The following MED13L variants were observed in gnomAD, a reference collection of about 807,000 sequenced individuals.
MED13L encodes the protein mediator complex subunit 13L.
Under a neutral mutation model 220.9 loss-of-function variants are expected in MED13L, and 7 were observed. The observed-to-expected ratio is 0.03, with a 90% confidence interval of 0.02 to 0.06. The LOEUF (loss-of-function observed/expected upper bound fraction) is 0.06, where lower values mean the gene tolerates loss of function less well. Ranked by LOEUF, MED13L falls within the 10% of genes least tolerant of loss-of-function variation. MED13L has a pLI of 1.00. For missense variants in MED13L, 1,965 were observed against 2,760.5 expected (o/e 0.71, Z 6.46); for synonymous variants, 1,011 against 1,015.2 (o/e 1.00, Z 0.08).
Position 115,960,788 on chromosome 12 carries a change from T to A in MED13L, c.*478A>T, listed in dbSNP as rs1875707564. ...ACAGAAACCCCAGTATGAAACCATG[T>A]ACTTGAGCTGGTTCTTATTTTTAAA... is the stretch of plus-strand genomic sequence containing the variant. On this transcript the variant is annotated 3_prime_UTR_variant, in exon 31 of 31. Transcript: ENST00000281928. 4.6e-6 allele frequency: 1 copy of A among 218,096 alleles called. No homozygotes were observed. The highest frequency in any genetic ancestry group is 9.3e-6 in the Non-Finnish European group (1 of 107,382). The allele number at this position is 218,096 out of a possible 1,614,324, so 13.5% of individuals were successfully genotyped here.
At chr12:116,186,769 A>G (rs991830473) in intron 2 of MED13L, among the ~76,000 whole-genome samples, 1 of 152,236 alleles carries the variant, frequency 6.6e-6, no homozygotes, top group Non-Finnish European at 1.5e-5. Flanking sequence ...AAAACAGGGT[A>G]GACACAGAAA....
intron 4 of MED13L, among the ~76,000 whole-genome samples, chr12:116,095,762 A>G (rs1288780752): frequency 6.6e-6 from 1 of 152,230 alleles, no homozygotes; most frequent in Non-Finnish European, 1.5e-5. Context: ...TATGATTCCA[A>G]CTACATGTGT....
At chr12:116,074,385 ACT>A (rs1370944771) in intron 4 of MED13L, among the ~76,000 whole-genome samples, 2 of 152,172 alleles carry the variant, frequency 1.3e-5, no homozygotes, top group African/African-American at 4.8e-5. Context: ...ACAGAGTGAG[ACT>A]CTGCCTCAAA....
At chr12:116,179,690 C>CTT (rs11431574) in intron 2 of MED13L, among the ~76,000 whole-genome samples, 3,009 of 148,346 alleles carry the variant, frequency 0.02, 60 homozygotes, top group Middle Eastern at 0.055. Context: ...AGTGAATAAC[C>CTT]TTTTTTTTTT....
chr12:116,222,310 T>C lies in MED13L; in HGVS notation c.310+15158A>G, dbSNP rs934992163. ...GCAATGACACGTCACAGAAGTGGCA[T>C]TGTATGAACACTCCATTCCTTATTT... On this transcript the variant is annotated intron_variant, in intron 2 of 30. Transcript: ENST00000281928. Among the ~76,000 whole-genome samples the C allele has an allele frequency of 2.6e-5, 4 of 152,200 alleles. 1 individual carries two copies. Among genetic ancestry groups the C allele is most frequent in the South Asian group, 4.1e-4 (2 of 4,836 alleles).
chr12:116,105,135 C>T lies in MED13L; in HGVS notation c.395+6293G>A, dbSNP rs531112342. ...TGAAGAAACTCTTGAAAAATGATTG[C>T]AGATTTTTTTTCCCATCGTCTATTG... On this transcript the variant is annotated intron_variant, in intron 3 of 30. Coordinates refer to ENST00000281928, the MANE Select transcript of MED13L (RefSeq NM_015335.5). 7.9e-5 allele frequency among the ~76,000 whole-genome samples: 12 copies of T among 152,258 alleles called. No homozygotes were observed. The South Asian group carries it at 2.5e-3, about 32-fold the overall frequency.
intron 30 of MED13L, 75 bp downstream of exon 30, chr12:115,963,332 A>C: frequency 8.0e-7 from 1 of 1,254,366 alleles, no homozygotes; most frequent in Non-Finnish European, 1.2e-6. Context: ...ACTTAGATTA[A>C]AACACCTTGG....
At chr12:115,967,739 A>G (rs1432400931) in intron 28 of MED13L, among the ~76,000 whole-genome samples, 1 of 152,216 alleles carries the variant, frequency 6.6e-6, no homozygotes, top group African/African-American at 2.4e-5. Flanking sequence ...TGGGGCATGC[A>G]TTCTTAGCTG....
chr12:116,063,726 C>T (rs1869697054), intron 4 of MED13L, among the ~76,000 whole-genome samples: 1 of 152,176 alleles, frequency 6.6e-6, no homozygotes, highest in Admixed American at 6.5e-5. Context: ...TCAAAATACA[C>T]ACCTTTAAAA....
intron 2 of MED13L, among the ~76,000 whole-genome samples, chr12:116,212,193 A>T (rs1882738820): frequency 6.6e-6 from 1 of 152,178 alleles, no homozygotes; most frequent in South Asian, 2.1e-4. Context: ...GTTATTCAAG[A>T]ACCTGCTATA....
Position 115,959,283 on chromosome 12 carries a change from A to T in MED13L, c.*1983T>A, listed in dbSNP as rs12423578. ...ACTACCCTTTGCTGCCATTTTTTTTAAAGTTTTTTTGTAGGGGTTTTTTAT... is the reference window on the plus strand; with the variant it reads ...ACTACCCTTTGCTGCCATTTTTTTTTAAGTTTTTTTGTAGGGGTTTTTTAT... On this transcript the variant is annotated 3_prime_UTR_variant, in exon 31 of 31. Coordinates refer to ENST00000281928, the MANE Select transcript of MED13L (RefSeq NM_015335.5). The T allele has an allele frequency of 0.19, 29,182 of 152,326 alleles. 3,110 individuals carry two copies. The highest frequency in any genetic ancestry group is 0.26 in the Middle Eastern group (75 of 294). 9.4% of individuals were successfully genotyped at this position (152,326 alleles called of 1,614,324 possible).
intron 4 of MED13L, among the ~76,000 whole-genome samples, chr12:116,053,001 G>C (rs1337728991): frequency 2.0e-5 from 3 of 152,118 alleles, no homozygotes; most frequent in Non-Finnish European, 4.4e-5. Flanking sequence ...ATAAGCCTAA[G>C]ACATTTTCTA....
chr12:116,066,114 C>G (rs534879392), intron 4 of MED13L, among the ~76,000 whole-genome samples: 79 of 152,188 alleles, frequency 5.2e-4, no homozygotes, highest in Admixed American at 5.2e-3. Flanking sequence ...CACACACATA[C>G]ATACACACAC....
intron 2 of MED13L, among the ~76,000 whole-genome samples, chr12:116,182,484 T>C (rs1880594266): frequency 1.3e-5 from 2 of 152,218 alleles, no homozygotes. Flanking sequence ...TCAGCCTCTG[T>C]ACTCCATACT....
Position 115,975,564 on chromosome 12 carries a change from G to A in MED13L, c.5539C>T (p.His1847Tyr). The change falls in exon 24 of 31, where the codon CAT (histidine) becomes TAT (tyrosine). Residue 1847 changes from histidine (H) to tyrosine (Y), a missense_variant. This residue lies in a region of MED13L where 510 missense variants were observed against 620.4 expected (regional missense o/e 0.82). Coordinates refer to ENST00000281928, the MANE Select transcript of MED13L (RefSeq NM_015335.5). ...RWLLASCTDLHGELLETCVVN... is the reference protein window; with the variant it reads ...RWLLASCTDLYGELLETCVVN... The stretch of plus-strand genomic sequence containing the variant: ...ACGCAGGTCTCTAATAATTCCCCAT[G>A]GAGGTCAGTGCAGGAAGCCAAAAGC... The A allele has an allele frequency of 1.9e-6, 3 of 1,614,174 alleles. No individual in the cohort carries two copies. The highest frequency in any genetic ancestry group is 2.2e-5 in the South Asian group (2 of 91,090).
intron 4 of MED13L, among the ~76,000 whole-genome samples, chr12:116,045,088 A>G (rs1881754941): frequency 1.3e-5 from 2 of 152,144 alleles, no homozygotes; most frequent in African/African-American, 4.8e-5. Context: ...CTCCTTCTCT[A>G]TTTATTTGTT....
At chr12:115,971,401 T>C (rs1008609228) in intron 26 of MED13L, among the ~76,000 whole-genome samples, 5 of 152,220 alleles carry the variant, frequency 3.3e-5, no homozygotes, top group African/African-American at 1.2e-4. Flanking sequence ...CACACCACAA[T>C]ACTGTTGACT....
chr12:116,272,794 C>T (rs1873489594), intron 1 of MED13L, among the ~76,000 whole-genome samples: 1 of 152,132 alleles, frequency 6.6e-6, no homozygotes. Context: ...ATACAAATGG[C>T]TCTTTAAAAC....
chr12:116,261,517 G>T (rs918888551), intron 1 of MED13L, among the ~76,000 whole-genome samples: 4 of 151,182 alleles, frequency 2.6e-5, no homozygotes, highest in Non-Finnish European at 5.9e-5. Flanking sequence ...AAAAACTCTG[G>T]AAACAGGCAG....
Sources: allele counts gnomAD v4.1 joint callset (sites outside exome capture counted in the v4.1 genomes callset), GRCh38; gene constraint gnomAD v4.1.1; regional missense constraint gnomAD v4.1.1; transcripts MANE v1.5; gene names NCBI Gene and HGNC (gene_info 2026-07-23, HGNC 2026-07-21).